Variants in TENM3 observed in about 807,000 individuals in gnomAD.
The protein encoded by TENM3 is teneurin transmembrane protein 3.
TENM3 carries 63 observed loss-of-function variants against 255.1 expected under a neutral mutation model. That is an observed-to-expected ratio of 0.25 (90% CI 0.20 to 0.30). TENM3 has a LOEUF of 0.30. Ranked by LOEUF, TENM3 falls within the 10% of genes least tolerant of loss-of-function variation. The pLI is 1.00. For synonymous variants in TENM3, 1,306 were observed against 1,322.3 expected, an observed-to-expected ratio of 0.99 and a Z score of 0.27; for missense variants, 2,929 against 3,461.1, an observed-to-expected ratio of 0.85 and a Z score of 3.86.
chr4:182,695,679 G>A (rs1757348328), intron 12 of TENM3, among the ~76,000 whole-genome samples: 2 of 152,162 alleles, frequency 1.3e-5, no homozygotes, highest in African/African-American at 4.8e-5. Flanking sequence ...GTGGAGCTCT[G>A]CACCAGAAGC....
intron 11 of TENM3, 101 bp from the exon 12 acceptor site, chr4:182,688,065 C>T: frequency 8.6e-7 from 1 of 1,168,052 alleles, no homozygotes; most frequent in South Asian, 1.6e-5. Flanking sequence ...TTTGTGTTTC[C>T]CTTGAACAAA....
chr4:181,454,076 C>T, the TENM3 span, among the ~76,000 whole-genome samples: 2 of 152,042 alleles, frequency 1.3e-5, no homozygotes, highest in East Asian at 1.9e-4. Context: ...CTGACATTAC[C>T]TGTTGCATAT....
chr4:182,683,313 C>A (rs930956870), intron 11 of TENM3, among the ~76,000 whole-genome samples: 1 of 152,116 alleles, frequency 6.6e-6, no homozygotes, highest in African/African-American at 2.4e-5. Context: ...TAGCTTCCAC[C>A]ACCATCATCA....
At chr4:182,757,270 C>G (rs915169907) in intron 22 of TENM3, among the ~76,000 whole-genome samples, 3 of 137,092 alleles carry the variant, frequency 2.2e-5, no homozygotes, top group African/African-American at 8.3e-5. Context: ...TGAGATGGTG[C>G]CACTGCACTC....
At chr4:182,112,356 G>A in the TENM3 span, among the ~76,000 whole-genome samples, 1 of 152,084 alleles carries the variant, frequency 6.6e-6, no homozygotes, top group Admixed American at 6.6e-5. Flanking sequence ...TCACCTTGTG[G>A]GGAAAACAGA....
the TENM3 span, among the ~76,000 whole-genome samples, chr4:181,533,918 C>G: frequency 6.6e-6 from 1 of 152,064 alleles, no homozygotes; most frequent in African/African-American, 2.4e-5. Context: ...AGAGATAAAA[C>G]CCTCTATTAA....
intron 7 of TENM3, among the ~76,000 whole-genome samples, chr4:182,673,708 C>T (rs1047883715): frequency 3.3e-5 from 5 of 152,158 alleles, no homozygotes; most frequent in Non-Finnish European, 5.9e-5. Flanking sequence ...TCAACTCAGG[C>T]GCCGTGCCTC....
chr4:181,679,714 G>T, the TENM3 span, among the ~76,000 whole-genome samples: 1 of 152,076 alleles, frequency 6.6e-6, no homozygotes, highest in Non-Finnish European at 1.5e-5. Flanking sequence ...TGTATGACAA[G>T]TCAAAACATT....
the TENM3 span, among the ~76,000 whole-genome samples, chr4:181,606,273 T>C: frequency 1.3e-5 from 2 of 152,278 alleles, no homozygotes; most frequent in East Asian, 3.9e-4. Context: ...TGTCCCACTG[T>C]TTGAATAACT....
At position 182,213,943 on chromosome 4, in the gene TENM3, A is replaced by G. The variant is rs966532741; in HGVS notation, c.-76+69189A>G. Among the ~76,000 whole-genome samples the G allele has an allele frequency of 2.6e-5, 4 of 152,006 alleles. No individual in the cohort carries two copies. In the South Asian group the frequency reaches 8.3e-4, roughly 32 times the overall value. ...CAGCCTCCCGAGTAGCTGGGACTAC[A>G]GGCGCCCGCCACCACGCCTGGCTAA... On this transcript the variant is annotated intron_variant, in intron 1 of 2. Coordinates refer to the TENM3 transcript ENST00000512480.
the TENM3 span, among the ~76,000 whole-genome samples, chr4:182,066,850 G>A: frequency 2.6e-5 from 4 of 152,130 alleles, no homozygotes; most frequent in South Asian, 8.3e-4. Context: ...GGCGGAGCTT[G>A]CAGTGAGCCG....
chr4:181,604,643 G>A, the TENM3 span, among the ~76,000 whole-genome samples: 1 of 152,192 alleles, frequency 6.6e-6, no homozygotes, highest in Non-Finnish European at 1.5e-5. Context: ...CAGTGCCCCT[G>A]CCTCCTCAGC....
chr4:182,127,968 CA>C, the TENM3 span, among the ~76,000 whole-genome samples: 6 of 151,634 alleles, frequency 4.0e-5, no homozygotes, highest in Non-Finnish European at 8.8e-5. Flanking sequence ...ATAAATAAAT[CA>C]AAAAGTTATT....
At chr4:182,681,749 T>A (rs1267727531) in intron 10 of TENM3, 65 bp from the exon 11 acceptor site, 1 of 1,170,470 alleles carries the variant, frequency 8.5e-7, no homozygotes, top group African/African-American at 1.5e-5. Flanking sequence ...AGGATTTAAT[T>A]CTTTTTTCTG....
At chr4:182,428,402 C>T (rs974785565) in intron 3 of TENM3, among the ~76,000 whole-genome samples, 3 of 152,086 alleles carry the variant, frequency 2.0e-5, no homozygotes, top group Admixed American at 2.0e-4. Flanking sequence ...TTCCCATGTG[C>T]TTTGCTTCTC....
chr4:182,631,724 T>C (rs1490292579), intron 5 of TENM3: 2 of 152,194 alleles, frequency 1.3e-5, no homozygotes, highest in Admixed American at 6.5e-5. Flanking sequence ...AGCTTTTTTT[T>C]CCATTCCCTT....
the TENM3 span, among the ~76,000 whole-genome samples, chr4:182,127,082 T>C: frequency 6.6e-6 from 1 of 152,238 alleles, no homozygotes; most frequent in Non-Finnish European, 1.5e-5. Flanking sequence ...ACTGCAATTA[T>C]GATAAAGTTA....
chr4:181,643,472 T>C, the TENM3 span, among the ~76,000 whole-genome samples: 2 of 152,216 alleles, frequency 1.3e-5, no homozygotes, highest in African/African-American at 4.8e-5. Context: ...CCTATTTGAA[T>C]ACCCTTTATT....
At chr4:181,825,309 G>C in the TENM3 span, among the ~76,000 whole-genome samples, 1 of 145,092 alleles carries the variant, frequency 6.9e-6, no homozygotes, top group Non-Finnish European at 1.5e-5. Flanking sequence ...GCTGAGGCAG[G>C]AGAATCACTT....
Sources: gnomAD v4.1 joint callset for allele counts (sites outside exome capture counted in the v4.1 genomes callset) on GRCh38, gnomAD v4.1.1 for gene constraint, MANE v1.5 for transcripts, NCBI Gene and HGNC (gene_info 2026-07-23, HGNC 2026-07-21) for gene names.